The following AP5M1 variants were observed in gnomAD, a reference collection of about 807,000 sequenced individuals.
AP5M1 encodes the protein AP-5 complex subunit mu-1.
A neutral mutation model predicts 52.3 loss-of-function variants in AP5M1; 44 were observed. The ratio of observed to expected loss-of-function variants is 0.84; its 90% CI spans 0.66 to 1.08. The LOEUF (loss-of-function observed/expected upper bound fraction) is 1.08, where lower values mean the gene tolerates loss of function less well. Ranked by LOEUF, AP5M1 falls within the 50% of genes least tolerant of loss-of-function variation. The probability of loss-of-function intolerance (pLI) is 0.00; values close to 1 mark genes in which losing one functional copy is unlikely to be tolerated. For synonymous variants in AP5M1, 213 were observed against 199.0 expected, an observed-to-expected ratio of 1.07 and a Z score of -0.59; for missense variants, 526 against 568.4, an observed-to-expected ratio of 0.93 and a Z score of 0.76.
chr14:57,284,549 A>G (rs899818432), intron 6 of AP5M1, among the ~76,000 whole-genome samples: 2 of 152,210 alleles, frequency 1.3e-5, no homozygotes, highest in Non-Finnish European at 2.9e-5. Flanking sequence ...GAGTTAGTGT[A>G]GTGTCAACAG....
At chr14:57,271,303 A>G (rs933087718) in intron 1 of AP5M1, 1 of 152,252 alleles carries the variant, frequency 6.6e-6, no homozygotes, top group African/African-American at 2.4e-5. Flanking sequence ...TTGACTAAAG[A>G]CTGCCAAATA....
chr14:57,282,679 G>A (rs183592139), intron 4 of AP5M1, among the ~76,000 whole-genome samples: 26 of 152,156 alleles, frequency 1.7e-4, no homozygotes, highest in Admixed American at 1.3e-3. Flanking sequence ...CCATGTGACC[G>A]TATTAATACA....
chr14:57,288,739 C>A, intron 7 of AP5M1, 63 bp from the exon 8 acceptor site: 1 of 995,250 alleles, frequency 1.0e-6, no homozygotes, highest in Non-Finnish European at 1.6e-6. Flanking sequence ...AAAATCATGA[C>A]TTTGCTCTCG....
intron 3 of AP5M1, among the ~76,000 whole-genome samples, chr14:57,281,049 A>C (rs1885162186): frequency 6.6e-6 from 1 of 152,102 alleles, no homozygotes; most frequent in Non-Finnish European, 1.5e-5. Flanking sequence ...CATCGCAGGC[A>C]ACCTGAATTA....
At chr14:57,286,464 A>G (rs1885311511) in intron 7 of AP5M1, 145 bp downstream of exon 7, 2 of 615,542 alleles carry the variant, frequency 3.2e-6, no homozygotes, top group Admixed American at 2.8e-5. Flanking sequence ...TACCCCACAT[A>G]ACAGTTTGTG....
chr14:57,281,411 A>G lies in AP5M1; in HGVS notation c.949-678A>G, dbSNP rs539650749. Among the ~76,000 whole-genome samples, 3 of 152,368 alleles carry G rather than the reference A, an allele frequency of 2.0e-5. No individual in the cohort carries two copies. The East Asian group carries it at 5.8e-4, about 29-fold the overall frequency. On this transcript the variant is annotated intron_variant, in intron 3 of 7. Transcript: ENST00000261558. Reference sequence around the variant, plus strand: ...TAGAGCAAATTTATTTTGAGAATGCAATAGGCAATCTCATTGCCATTTAAG... The same window carrying G: ...TAGAGCAAATTTATTTTGAGAATGCGATAGGCAATCTCATTGCCATTTAAG...
At position 57,296,181 on chromosome 14, in the gene AP5M1, A is replaced by G. The variant is rs1488966420; in HGVS notation, c.*7297A>G. 1 of 152,010 alleles carries G rather than the reference A, an allele frequency of 6.6e-6. No homozygotes were observed. Among genetic ancestry groups the G allele is most frequent in the Admixed American group, 6.6e-5 (1 of 15,208 alleles). 9.4% of individuals were successfully genotyped at this position (152,010 alleles called of 1,614,324 possible). On this transcript the variant is annotated 3_prime_UTR_variant, in exon 8 of 8. Coordinates refer to ENST00000261558, the MANE Select transcript of AP5M1 (RefSeq NM_018229.4). The stretch of plus-strand genomic sequence containing the variant: ...AAATATAGTATTTAACAGGGATTAA[A>G]ATGTTTTACTTGGTCTCTTAGTGTT...
rs1309576318 is a variant in AP5M1, at chr14:57,273,903, T to C, written c.75-341T>C. Among the ~76,000 whole-genome samples, 4 of 152,298 alleles carry C rather than the reference T, an allele frequency of 2.6e-5. No homozygotes were observed. In the East Asian group the frequency reaches 7.7e-4, roughly 29 times the overall value. Reference sequence around the variant, plus strand: ...AAATTCTTATAGATGCCTAAAACGGTTCAAGTATATACTCCTTGCTGACCA... The same window carrying C: ...AAATTCTTATAGATGCCTAAAACGGCTCAAGTATATACTCCTTGCTGACCA... On this transcript the variant is annotated intron_variant, in intron 1 of 7. Coordinates refer to ENST00000261558, the MANE Select transcript of AP5M1 (RefSeq NM_018229.4).
At chr14:57,288,724 T>C in intron 7 of AP5M1, 78 bp from the exon 8 acceptor site, 1 of 860,278 alleles carries the variant, frequency 1.2e-6, no homozygotes, top group Non-Finnish European at 1.9e-6. Flanking sequence ...CATTCCACAA[T>C]TTCAAAAATC....
rs1331153435 is a variant in AP5M1 at position 57,296,368 on chromosome 14, G to C, written c.*7484G>C. ...TATCAAAGATTACCCCTTGCTAAAG[G>C]CTCTTAAGAAACTGTTAGCCTGTTA... On this transcript the variant is annotated 3_prime_UTR_variant, in exon 8 of 8. Transcript: ENST00000261558. The C allele has an allele frequency of 6.6e-6, 1 of 151,936 alleles. No homozygotes were observed. Among genetic ancestry groups the C allele is most frequent in the African/African-American group, 2.4e-5 (1 of 41,396 alleles). The allele number at this position is 151,936 out of a possible 1,614,324, so 9.4% of individuals were successfully genotyped here. A position where few individuals can be genotyped will look rare whatever the true frequency, so the allele number is the denominator to read the frequency against.
In AP5M1 at chr14:57,295,603, T is replaced by C. The variant is rs1413156734; in HGVS notation, c.*6719T>C. ...TCAGTCACTTGTACATTTTAGAAAA[T>C]AAATAACTTTTAACATAGTATTTCT... On this transcript the variant is annotated 3_prime_UTR_variant, in exon 8 of 8. Transcript: ENST00000261558. The C allele has an allele frequency of 6.6e-6, 1 of 151,814 alleles. No homozygotes were observed. The highest frequency in any genetic ancestry group is 2.4e-5 in the African/African-American group (1 of 41,392). 9.4% of individuals were successfully genotyped at this position (151,814 alleles called of 1,614,324 possible).
chr14:57,280,896 C>T (rs1374998643), intron 3 of AP5M1, among the ~76,000 whole-genome samples: 2 of 151,394 alleles, frequency 1.3e-5, no homozygotes, highest in East Asian at 3.9e-4. Context: ...TACCTCTTAT[C>T]TTTGGTGTCG....
At chr14:57,276,353 A>T (rs1460823336) in intron 2 of AP5M1, among the ~76,000 whole-genome samples, 5 of 152,164 alleles carry the variant, frequency 3.3e-5, no homozygotes, top group African/African-American at 1.2e-4. Context: ...AGGCGGGCGA[A>T]TCACTTGAGG....
intron 1 of AP5M1, chr14:57,273,693 T>G (rs1053795081): frequency 5.7e-6 from 4 of 702,024 alleles, no homozygotes; most frequent in Non-Finnish European, 1.0e-5. Flanking sequence ...TAAAATGATC[T>G]TCCATGTTTT....
chr14:57,274,416 A>C lies in AP5M1; in HGVS notation c.247A>C (p.Ile83Leu). ...CTGTTCACGCATCAATAAAACATCC[A>C]TTTATGGACTCCTGATAGGAGGTGA... is the stretch of plus-strand genomic sequence containing the variant. ...DSCSRINKTS[I>L]YGLLIGGEEL... The change falls in exon 2 of 8, where the codon ATT (isoleucine) becomes CTT (leucine). Residue 83 changes from isoleucine to leucine, a missense_variant. Physicochemically the swap from Ile to Leu is conservative, Grantham distance 5. Transcript: ENST00000261558. 1 of 1,614,136 alleles carries C rather than the reference A, an allele frequency of 6.2e-7. No homozygotes were observed. The highest frequency in any genetic ancestry group is 8.5e-7 in the Non-Finnish European group (1 of 1,180,022).
chr14:57,277,830 A>G (rs1029585691), intron 2 of AP5M1, among the ~76,000 whole-genome samples: 7 of 151,942 alleles, frequency 4.6e-5, no homozygotes, highest in Non-Finnish European at 8.8e-5. Flanking sequence ...GAAATGTGTC[A>G]GGCACTAGAG....
Position 57,274,741 on chromosome 14 carries a change from A to G in AP5M1, c.572A>G (p.Gln191Arg). 1.2e-6 allele frequency: 2 copies of G among 1,614,216 alleles called. No homozygotes were observed. The highest frequency in any genetic ancestry group is 1.7e-6 in the Non-Finnish European group (2 of 1,180,028). ...AATACCAATTTTGCATCTGTGACTC[A>G]GCCACAGAAACAGCCAGCTTGGAAA... ...LDNTNFASVT[Q>R]PQKQPAWKTG... The change falls in exon 2 of 8, where the codon CAG (glutamine) becomes CGG (arginine). Residue 191 changes from glutamine to arginine, a missense_variant. Physicochemically the swap from Gln to Arg is conservative, Grantham distance 43. Transcript: ENST00000261558.
chr14:57,295,495 G>A lies in AP5M1; in HGVS notation c.*6611G>A, dbSNP rs1885530483. ...GAATGTTTACATTGTGTTTATTGAA[G>A]TGTTGAAAGAATATTTGTTGCATCT... is the stretch of plus-strand genomic sequence containing the variant. On this transcript the variant is annotated 3_prime_UTR_variant, in exon 8 of 8. Coordinates refer to ENST00000261558, the MANE Select transcript of AP5M1 (RefSeq NM_018229.4). 6.6e-6 allele frequency: 1 copy of A among 151,922 alleles called. No individual in the cohort carries two copies. The highest frequency in any genetic ancestry group is 2.1e-4 in the South Asian group (1 of 4,830). The allele number at this position is 151,922 out of a possible 1,614,324, so 9.4% of individuals were successfully genotyped here. A position where few individuals can be genotyped will look rare whatever the true frequency, so the allele number is the denominator to read the frequency against.
At chr14:57,278,410 C>T (rs1885090273) in intron 2 of AP5M1, 1 of 152,182 alleles carries the variant, frequency 6.6e-6, no homozygotes, top group Non-Finnish European at 1.5e-5. Flanking sequence ...CGCAGAAGTG[C>T]AGCATCTGGC....
Sources: gnomAD v4.1 joint callset for allele counts (sites outside exome capture counted in the v4.1 genomes callset) on GRCh38, gnomAD v4.1.1 for gene constraint, MANE v1.5 for transcripts, NCBI Gene and HGNC (gene_info 2026-07-23, HGNC 2026-07-21) for gene names.